The following CLVS1 variants were observed in gnomAD, a reference collection of about 807,000 sequenced individuals.
The protein encoded by CLVS1 is clavesin 1, also known as clavesin-1.
A neutral mutation model predicts 33.1 loss-of-function variants in CLVS1; 10 were observed. The observed-to-expected ratio is 0.30, with a 90% CI of 0.19 to 0.51. The LOEUF (loss-of-function observed/expected upper bound fraction) is 0.51. CLVS1 is among the 20% of genes least tolerant of loss of function. CLVS1 has a pLI of 0.97. For synonymous variants in CLVS1, 163 were observed against 166.1 expected (o/e 0.98, Z 0.14); for missense variants, 343 against 433.4 (o/e 0.79, Z 1.85).
intron 2 of CLVS1, among the ~76,000 whole-genome samples, chr8:61,210,301 G>A (rs1807944891): frequency 6.6e-6 from 1 of 152,164 alleles, no homozygotes; most frequent in African/African-American, 2.4e-5. Context: ...CATATAAGAG[G>A]GGACTGTATT....
intron 2 of CLVS1, among the ~76,000 whole-genome samples, chr8:61,212,393 C>T (rs939285329): frequency 4.6e-5 from 7 of 152,254 alleles, no homozygotes; most frequent in African/African-American, 1.7e-4. Flanking sequence ...CAGGAGAAAC[C>T]CCAGATGCCT....
chr8:61,074,891 C>T (rs1351996619), intron 1 of CLVS1, among the ~76,000 whole-genome samples: 1 of 152,142 alleles, frequency 6.6e-6, no homozygotes, highest in Non-Finnish European at 1.5e-5. Flanking sequence ...CTACTCCCAG[C>T]TTGGATGAAT....
At chr8:61,177,448 C>A (rs1366479630) in intron 2 of CLVS1, among the ~76,000 whole-genome samples, 2 of 152,304 alleles carry the variant, frequency 1.3e-5, no homozygotes, top group Non-Finnish European at 2.9e-5. Flanking sequence ...AAGATTCCCC[C>A]CAGTGCGGCA....
At chr8:61,036,757 C>A in the CLVS1 span, among the ~76,000 whole-genome samples, 1 of 152,218 alleles carries the variant, frequency 6.6e-6, no homozygotes, top group Non-Finnish European at 1.5e-5. Flanking sequence ...ATGGTAGTAG[C>A]CACCTTGCTA....
At chr8:61,376,247 AC>A (rs1813635736) in intron 2 of CLVS1, among the ~76,000 whole-genome samples, 1 of 152,188 alleles carries the variant, frequency 6.6e-6, no homozygotes, top group African/African-American at 2.4e-5. Context: ...CGCAATCCCT[AC>A]CCTCAAGGAC....
chr8:61,169,003 G>A (rs552189807), intron 2 of CLVS1, among the ~76,000 whole-genome samples: 1 of 152,296 alleles, frequency 6.6e-6, no homozygotes, highest in East Asian at 1.9e-4. Context: ...ACCATATTGA[G>A]ACCTAGCCTT....
At position 61,369,051 on chromosome 8, in the gene CLVS1, C is replaced by G. The variant is rs568388938; in HGVS notation, c.456-7554C>G. Among the ~76,000 whole-genome samples the G allele has an allele frequency of 3.3e-5, 5 of 151,924 alleles. No homozygotes were observed. The East Asian group carries it at 9.7e-4, about 29-fold the overall frequency. ...CTCTCCCCGTCTTTCTTCCTTTTCG[C>G]TTTTCTCTTCTTCCCTTCCATCCTT... On this transcript the variant is annotated intron_variant, in intron 2 of 5. Transcript: ENST00000325897.
intron 1 of CLVS1, among the ~76,000 whole-genome samples, chr8:61,074,456 G>GTA (rs945229827): frequency 1.8e-5 from 2 of 108,810 alleles, no homozygotes; most frequent in African/African-American, 5.9e-5. Flanking sequence ...AAGTATATGT[G>GTA]TATATATATG....
intron 2 of CLVS1, among the ~76,000 whole-genome samples, chr8:61,137,962 C>T (rs942916984): frequency 8.5e-5 from 13 of 152,086 alleles, no homozygotes; most frequent in East Asian, 1.9e-4. Context: ...ATGCAGTGAA[C>T]GGGTGGAGGG....
intron 2 of CLVS1, among the ~76,000 whole-genome samples, chr8:61,233,789 G>C (rs1396023723): frequency 2.0e-5 from 3 of 152,212 alleles, no homozygotes; most frequent in Admixed American, 2.0e-4. Context: ...TTGATGCATG[G>C]GCTTTGGGTT....
At chr8:60,968,927 AAAAG>A in the CLVS1 span, among the ~76,000 whole-genome samples, 3 of 151,490 alleles carry the variant, frequency 2.0e-5, no homozygotes, top group Admixed American at 2.0e-4. Flanking sequence ...AAATAAAAGA[AAAAG>A]AAAACTAGGA....
At chr8:60,968,509 C>T in the CLVS1 span, among the ~76,000 whole-genome samples, 3 of 105,456 alleles carry the variant, frequency 2.8e-5, no homozygotes, top group Admixed American at 8.9e-5. Context: ...AACAAGACTC[C>T]GTTTCAAAAA....
At chr8:60,981,718 G>A in the CLVS1 span, among the ~76,000 whole-genome samples, 1 of 152,254 alleles carries the variant, frequency 6.6e-6, no homozygotes, top group Non-Finnish European at 1.5e-5. Context: ...ACCTCTGAGT[G>A]GCAGAAAGTA....
intron 2 of CLVS1, among the ~76,000 whole-genome samples, chr8:61,194,128 G>A (rs1375283340): frequency 6.6e-6 from 1 of 151,922 alleles, no homozygotes; most frequent in Non-Finnish European, 1.5e-5. Flanking sequence ...ATTCAAAGAA[G>A]AAAAGGAAGA....
intron 2 of CLVS1, among the ~76,000 whole-genome samples, chr8:61,247,489 G>A (rs766411139): frequency 1.1e-4 from 16 of 152,000 alleles, no homozygotes; most frequent in Non-Finnish European, 1.3e-4. Context: ...AATAATAGCC[G>A]TTCTGACTGG....
the CLVS1 span, among the ~76,000 whole-genome samples, chr8:61,002,149 T>C: frequency 6.6e-6 from 1 of 151,782 alleles, no homozygotes; most frequent in Non-Finnish European, 1.5e-5. Context: ...TGGCTAATTT[T>C]TGTATTTTTT....
intron 5 of CLVS1, among the ~76,000 whole-genome samples, chr8:61,483,009 TC>T (rs1483620349): frequency 2.0e-5 from 3 of 151,868 alleles, no homozygotes; most frequent in African/African-American, 7.3e-5. Flanking sequence ...AAAATTGACA[TC>T]CTAACATCAC....
At chr8:61,488,098 G>C (rs781283028) in intron 5 of CLVS1, among the ~76,000 whole-genome samples, 2 of 152,130 alleles carry the variant, frequency 1.3e-5, no homozygotes, top group Non-Finnish European at 2.9e-5. Context: ...GTCATTTTCT[G>C]TTATGATTGG....
intron 2 of CLVS1, among the ~76,000 whole-genome samples, chr8:61,232,023 G>GTTTGTTTGTTTGTTTGT: frequency 2.4e-4 from 15 of 62,650 alleles, no homozygotes; most frequent in African/African-American, 6.2e-4. Context: ...GAAAGTTGTG[G>GTTTGTTTGTTTGTTTGT]TTTTTTTTTT....
Sources: gnomAD v4.1 joint callset for allele counts (sites outside exome capture counted in the v4.1 genomes callset) on GRCh38, gnomAD v4.1.1 for gene constraint, MANE v1.5 for transcripts, NCBI Gene and HGNC (gene_info 2026-07-23, HGNC 2026-07-21) for gene names.